Variants in PPP1R9A observed in about 807,000 individuals in gnomAD.
The protein encoded by PPP1R9A is neurabin-1.
Under a neutral mutation model 141.9 loss-of-function variants are expected in PPP1R9A, and 59 were observed. The observed-to-expected ratio is 0.42, with a 90% CI of 0.34 to 0.52. PPP1R9A has a LOEUF of 0.52. Ranked by LOEUF, PPP1R9A falls within the 20% of genes least tolerant of loss-of-function variation. The probability of loss-of-function intolerance (pLI) is 0.10; values close to 1 mark genes in which losing one functional copy is unlikely to be tolerated. For missense variants in PPP1R9A, 1,444 were observed against 1,611.9 expected (o/e 0.90, Z 1.78); for synonymous variants, 500 against 569.7 (o/e 0.88, Z 1.74).
At chr7:95,228,635 A>T (rs1177840515) in intron 8 of PPP1R9A, among the ~76,000 whole-genome samples, 2 of 152,158 alleles carry the variant, frequency 1.3e-5, no homozygotes. Context: ...CTTTTCAAAA[A>T]TGCCTTTATT....
At chr7:95,076,600 T>G (rs1814898802) in intron 2 of PPP1R9A, among the ~76,000 whole-genome samples, 1 of 152,150 alleles carries the variant, frequency 6.6e-6, no homozygotes, top group South Asian at 2.1e-4. Flanking sequence ...ATACTATTTT[T>G]ATTAAAAAAT....
At chr7:95,272,921 A>G (rs1333494623) in intron 14 of PPP1R9A, among the ~76,000 whole-genome samples, 1 of 152,246 alleles carries the variant, frequency 6.6e-6, no homozygotes, top group African/African-American at 2.4e-5. Flanking sequence ...AGAGTTTCAC[A>G]CATAAAAAAC....
chr7:95,203,551 T>A (rs1790045556), intron 6 of PPP1R9A, 114 bp from the exon 7 acceptor site: 1 of 718,138 alleles, frequency 1.4e-6, no homozygotes, highest in Non-Finnish European at 2.2e-6. Context: ...GTCTTAGTAC[T>A]TAACAGTGTG....
chr7:95,271,981 T>C (rs1277479478), intron 14 of PPP1R9A, among the ~76,000 whole-genome samples: 4 of 152,224 alleles, frequency 2.6e-5, no homozygotes, highest in Admixed American at 2.6e-4. Context: ...CTTAACATCT[T>C]CAGCCCTATG....
At chr7:95,286,965 C>CTTTTTTTTTTTTTT in intron 18 of PPP1R9A, 1 of 762,480 alleles carries the variant, frequency 1.3e-6, no homozygotes, top group Non-Finnish European at 2.0e-6. Flanking sequence ...ATTCACAAAA[C>CTTTTTTTTTTTTTT]TTTTTTTTTT....
At chr7:95,246,998 A>G (rs941116106) in intron 8 of PPP1R9A, among the ~76,000 whole-genome samples, 3 of 152,160 alleles carry the variant, frequency 2.0e-5, no homozygotes, top group Admixed American at 2.0e-4. Context: ...CTCCCTTTGC[A>G]GTGGAGCTGC....
chr7:95,101,104 G>C (rs994253277), intron 2 of PPP1R9A, among the ~76,000 whole-genome samples: 1 of 151,712 alleles, frequency 6.6e-6, no homozygotes, highest in Admixed American at 6.6e-5. Context: ...CGCCCGCCTC[G>C]GCCTCCCAAA....
At chr7:95,118,986 A>AG (rs1491378858) in intron 3 of PPP1R9A, among the ~76,000 whole-genome samples, 1 of 26,306 alleles carries the variant, frequency 3.8e-5, no homozygotes, top group Non-Finnish European at 7.6e-5. Flanking sequence ...TGTCTCAAAC[A>AG]AAAAAAAAAA....
At chr7:95,198,200 C>T in intron 5 of PPP1R9A, 149 bp from the exon 6 acceptor site, 1 of 633,768 alleles carries the variant, frequency 1.6e-6, no homozygotes, top group Non-Finnish European at 2.4e-6. Context: ...AAGCTTTCTT[C>T]TCACCCAAGA....
chr7:94,917,705 GC>G (rs1218641870), intron 2 of PPP1R9A, among the ~76,000 whole-genome samples: 1 of 152,022 alleles, frequency 6.6e-6, no homozygotes, highest in South Asian at 2.1e-4. Flanking sequence ...ACTGTGCCCA[GC>G]AGTTGCTTGC....
At chr7:94,946,924 T>A (rs1340801871) in intron 2 of PPP1R9A, among the ~76,000 whole-genome samples, 1 of 152,210 alleles carries the variant, frequency 6.6e-6, no homozygotes, top group Admixed American at 6.5e-5. Context: ...ATCTGATGTG[T>A]CCTACCTCAG....
At chr7:94,948,944 A>G (rs1796173749) in intron 2 of PPP1R9A, among the ~76,000 whole-genome samples, 1 of 152,110 alleles carries the variant, frequency 6.6e-6, no homozygotes, top group Non-Finnish European at 1.5e-5. Context: ...TGCAACCTTT[A>G]TGTTCCTTAG....
chr7:95,204,915 G>A (rs746079467), intron 7 of PPP1R9A, among the ~76,000 whole-genome samples: 1 of 119,252 alleles, frequency 8.4e-6, no homozygotes, highest in Non-Finnish European at 1.7e-5. Flanking sequence ...CACACCTCAC[G>A]CCCCCACACC....
chr7:95,264,433 C>T (rs768215370), intron 12 of PPP1R9A, among the ~76,000 whole-genome samples: 1 of 152,126 alleles, frequency 6.6e-6, no homozygotes, highest in Non-Finnish European at 1.5e-5. Flanking sequence ...TCAAAAATAA[C>T]GTCAATCTAG....
chr7:95,169,961 T>C (rs548376969), intron 5 of PPP1R9A, among the ~76,000 whole-genome samples: 4 of 151,842 alleles, frequency 2.6e-5, no homozygotes, highest in African/African-American at 9.6e-5. Context: ...GATGAAAACA[T>C]TAAAATAGTT....
chr7:95,219,231 T>G (rs1001956365), intron 7 of PPP1R9A, among the ~76,000 whole-genome samples: 1 of 152,192 alleles, frequency 6.6e-6, no homozygotes, highest in Admixed American at 6.5e-5. Context: ...CTTATGAAGC[T>G]TAGTTTGGCT....
At chr7:94,997,831 C>T (rs193279269) in intron 2 of PPP1R9A, among the ~76,000 whole-genome samples, 26 of 152,252 alleles carry the variant, frequency 1.7e-4, no homozygotes, top group Middle Eastern at 6.8e-3. Context: ...TTTTTAACTC[C>T]TCAACCGAGT....
chr7:95,103,930 G>A (rs1819161775), intron 2 of PPP1R9A, among the ~76,000 whole-genome samples: 2 of 151,980 alleles, frequency 1.3e-5, no homozygotes, highest in South Asian at 4.2e-4. Flanking sequence ...AATATTTATG[G>A]GAGTAACTTT....
rs1448883967 is a variant in PPP1R9A at position 94,924,079 on chromosome 7, A to G, written c.1395+12571A>G. On this transcript the variant is annotated intron_variant, in intron 2 of 19. Coordinates refer to ENST00000433360, the MANE Select transcript of PPP1R9A (RefSeq NM_001166160.2). ...ATGATTGTATATAATTATAAGAACT[A>G]TTTAAAGAAAAAGAGGCAACATTAA... Among the ~76,000 whole-genome samples the G allele has an allele frequency of 2.0e-5, 3 of 152,346 alleles. No individual in the cohort carries two copies. The East Asian group carries it at 5.8e-4, about 29-fold the overall frequency.
Sources: gnomAD v4.1 joint callset for allele counts (sites outside exome capture counted in the v4.1 genomes callset) on GRCh38, gnomAD v4.1.1 for gene constraint, MANE v1.5 for transcripts, NCBI Gene and HGNC (gene_info 2026-07-23, HGNC 2026-07-21) for gene names.